The following DOCK4 variants were observed in gnomAD, a reference collection of about 807,000 sequenced individuals.
DOCK4 encodes dedicator of cytokinesis protein 4.
DOCK4 carries 97 observed loss-of-function variants against 268.1 expected under a neutral mutation model. The observed-to-expected ratio is 0.36, with a 90% CI of 0.31 to 0.43. The LOEUF (loss-of-function observed/expected upper bound fraction) is 0.43. Ranked by LOEUF, DOCK4 falls within the 20% of genes least tolerant of loss-of-function variation. The probability of loss-of-function intolerance (pLI) is 1.00; values close to 1 mark genes in which losing one functional copy is unlikely to be tolerated. For synonymous variants in DOCK4, 954 were observed against 887.2 expected, an observed-to-expected ratio of 1.08 and a Z score of -1.34; for missense variants, 2,145 against 2,455.7, an observed-to-expected ratio of 0.87 and a Z score of 2.67.
chr7:111,882,705 C>T (rs181254956), intron 16 of DOCK4, among the ~76,000 whole-genome samples: 12 of 151,126 alleles, frequency 7.9e-5, no homozygotes, highest in Admixed American at 5.3e-4. Context: ...CTCTGCCTCC[C>T]GGGTTCAAGC....
intron 52 of DOCK4, among the ~76,000 whole-genome samples, chr7:111,730,821 A>G (rs73432048): frequency 0.013 from 1,978 of 152,302 alleles, 37 homozygotes; most frequent in African/African-American, 0.045. Flanking sequence ...TGGCCAGTAA[A>G]AATGTACACA....
intron 26 of DOCK4, among the ~76,000 whole-genome samples, chr7:111,826,096 TCA>T (rs1563556304): frequency 6.6e-6 from 1 of 152,150 alleles, no homozygotes; most frequent in African/African-American, 2.4e-5. Flanking sequence ...TTCGTGGAGT[TCA>T]CAGTTTAGTG....
At chr7:112,021,940 A>T (rs755387148) in intron 1 of DOCK4, among the ~76,000 whole-genome samples, 1 of 152,232 alleles carries the variant, frequency 6.6e-6, no homozygotes, top group Non-Finnish European at 1.5e-5. Flanking sequence ...TGAAGGGCAT[A>T]CTAAATGCTA....
chr7:112,059,380 G>A (rs1408375077), intron 1 of DOCK4, among the ~76,000 whole-genome samples: 1 of 151,958 alleles, frequency 6.6e-6, no homozygotes, highest in Admixed American at 6.6e-5. Flanking sequence ...CTGTCTTCGT[G>A]ATCCATCCTC....
At chr7:112,140,683 A>C (rs1033942318) in intron 1 of DOCK4, among the ~76,000 whole-genome samples, 11 of 151,592 alleles carry the variant, frequency 7.3e-5, no homozygotes, top group African/African-American at 2.7e-4. Flanking sequence ...GAAAAAAAAA[A>C]CATACACGGA....
At chr7:111,977,068 C>A in intron 8 of DOCK4, 64 bp downstream of exon 8, 1 of 1,564,286 alleles carries the variant, frequency 6.4e-7, no homozygotes, top group Non-Finnish European at 8.7e-7. Flanking sequence ...TTACAGCTTG[C>A]CAATCACAAA....
chr7:112,064,918 G>A (rs1806779829), intron 1 of DOCK4, among the ~76,000 whole-genome samples: 1 of 152,212 alleles, frequency 6.6e-6, no homozygotes, highest in Non-Finnish European at 1.5e-5. Flanking sequence ...CCATTGGTAA[G>A]CGCATCAGAG....
Position 111,872,269 on chromosome 7 carries a change from C to A in DOCK4, c.1926G>T (p.Leu642Phe). 1 of 1,531,778 alleles carries A rather than the reference C, an allele frequency of 6.5e-7. No homozygotes were observed. Among genetic ancestry groups the A allele is most frequent in the Admixed American group, 2.1e-5 (1 of 47,002 alleles). The allele number at this position is 1,531,778 out of a possible 1,614,324, so 94.9% of individuals were successfully genotyped here. ...QKYGSKVFDS[L>F]VHIINLLQDS... is the part of the protein sequence containing the mutation. ...TACAATTAAGGGAATTTGAACTTAC[C>A]AAAGAATCAAACACTTTAGACCCAT... The change falls in exon 19 of 53, where the codon TTG becomes TTT. Residue 642 changes from leucine (L) to phenylalanine (F), a missense_variant and splice_region_variant. Physicochemically the swap from Leu to Phe is conservative, Grantham distance 22. Around this residue, in one of 2 missense-constraint regions of DOCK4, gnomAD observed 1,598 missense variants for 1,986.7 expected, o/e 0.80. Coordinates refer to ENST00000428084, the MANE Select transcript of DOCK4 (RefSeq NM_001363540.2).
chr7:111,890,479 ATAAC>A (rs1345497744), intron 16 of DOCK4, among the ~76,000 whole-genome samples: 2 of 152,186 alleles, frequency 1.3e-5, no homozygotes, highest in Non-Finnish European at 2.9e-5. Context: ...ATCTCTAATG[ATAAC>A]TAAGTTATTT....
chr7:111,914,618 C>T (rs973144564), intron 13 of DOCK4, among the ~76,000 whole-genome samples: 7 of 152,218 alleles, frequency 4.6e-5, no homozygotes, highest in East Asian at 1.9e-4. Flanking sequence ...CTTATCTGCA[C>T]GGCTTCCTCA....
At chr7:111,753,302 T>A (rs564697094) in intron 42 of DOCK4, among the ~76,000 whole-genome samples, 4 of 152,168 alleles carry the variant, frequency 2.6e-5, no homozygotes, top group African/African-American at 9.6e-5. Flanking sequence ...TCGTGACACC[T>A]CATCTCTACA....
In DOCK4 at chr7:112,100,643, T is replaced by C. The variant is rs1017849073; in HGVS notation, c.38-96512A>G. The stretch of plus-strand genomic sequence containing the variant: ...CACTCAACATCCAAGATTGCATATA[T>C]CAAAGTGCATCAGACATGCTGTACA... On this transcript the variant is annotated intron_variant, in intron 1 of 52. Coordinates refer to ENST00000428084, the MANE Select transcript of DOCK4 (RefSeq NM_001363540.2). 2.0e-5 allele frequency among the ~76,000 whole-genome samples: 3 copies of C among 152,200 alleles called. 1 individual carries two copies. The highest frequency in any genetic ancestry group is 2.0e-4 in the Admixed American group (3 of 15,286).
chr7:111,843,344 C>T (rs1803844164), intron 25 of DOCK4, among the ~76,000 whole-genome samples: 1 of 152,054 alleles, frequency 6.6e-6, no homozygotes, highest in Non-Finnish European at 1.5e-5. Context: ...CTGCAAACCA[C>T]ATATTATAAA....
chr7:112,022,369 TCACAAAGCTCGGTGGTGGTA>T (rs772756037), intron 1 of DOCK4, among the ~76,000 whole-genome samples: 1 of 152,106 alleles, frequency 6.6e-6, no homozygotes, highest in Non-Finnish European at 1.5e-5. Context: ...TTGCCAAAGG[TCACAAAGCTCGGTGGTGGTA>T]CAGGAGAGGG....
intron 1 of DOCK4, among the ~76,000 whole-genome samples, chr7:112,202,554 CA>C (rs1446273758): frequency 6.6e-6 from 1 of 151,986 alleles, no homozygotes; most frequent in African/African-American, 2.4e-5. Flanking sequence ...AAACGTACAT[CA>C]AAATATCACA....
chr7:111,919,327 G>T (rs1161884320), intron 12 of DOCK4, among the ~76,000 whole-genome samples: 1 of 152,066 alleles, frequency 6.6e-6, no homozygotes, highest in Admixed American at 6.6e-5. Context: ...ATACATCAGT[G>T]TTCTCTAGAG....
At chr7:112,136,912 T>C (rs1426791363) in intron 1 of DOCK4, among the ~76,000 whole-genome samples, 1 of 152,150 alleles carries the variant, frequency 6.6e-6, no homozygotes, top group Admixed American at 6.5e-5. Context: ...GAAAGCAAAA[T>C]GGTATTCAGC....
intron 51 of DOCK4, 95 bp from the exon 52 acceptor site, chr7:111,732,382 TC>T: frequency 7.6e-7 from 1 of 1,309,164 alleles, no homozygotes; most frequent in Admixed American, 1.9e-5. Context: ...AAACAGATGA[TC>T]CAGTGCATAA....
chr7:112,053,942 A>G (rs1563037640), intron 1 of DOCK4, among the ~76,000 whole-genome samples: 1 of 152,142 alleles, frequency 6.6e-6, no homozygotes, highest in Non-Finnish European at 1.5e-5. Flanking sequence ...GTCTCCCCTG[A>G]GCTTCTCGAA....
Sources: allele counts gnomAD v4.1 joint callset (sites outside exome capture counted in the v4.1 genomes callset), GRCh38; gene constraint gnomAD v4.1.1; regional missense constraint gnomAD v4.1.1; transcripts MANE v1.5; gene names NCBI Gene and HGNC (gene_info 2026-07-23, HGNC 2026-07-21).